Variants in CDK15 observed in about 807,000 individuals in gnomAD.
The protein encoded by CDK15 is cyclin dependent kinase 15.
In CDK15, 62 loss-of-function variants were observed where a neutral mutation model predicts 60.3. The ratio of observed to expected loss-of-function variants is 1.03; its 90% CI spans 0.84 to 1.27. CDK15 has a LOEUF of 1.27. Among genes scored for constraint, CDK15 ranks in the 50% most tolerant of loss-of-function variants. The pLI is 0.00. For synonymous variants in CDK15, 194 were observed against 195.7 expected (o/e 0.99, Z 0.07); for missense variants, 541 against 527.8 (o/e 1.03, Z -0.25).
chr2:201,823,054 T>G, intron 5 of CDK15, 151 bp downstream of exon 5: 1 of 593,158 alleles, frequency 1.7e-6, no homozygotes, highest in East Asian at 2.8e-5. Context: ...AGAACCTTAT[T>G]GTTCCCACAT....
In CDK15 at chr2:201,846,807, T is replaced by C. The variant is rs188481723; in HGVS notation, c.852-574T>C. Among the ~76,000 whole-genome samples the C allele has an allele frequency of 1.5e-3, 223 of 152,316 alleles. 3 individuals are homozygous for C. The highest frequency in any genetic ancestry group is 5.2e-3 in the African/African-American group (216 of 41,570). On this transcript the variant is annotated intron_variant, in intron 8 of 13. Transcript: ENST00000652192. Reference sequence around the variant, plus strand: ...GGGTAAGTGTAGACATCAAAGAGTCTGAGTCAAATGCTGAATGTGAAAAAG... The same window carrying C: ...GGGTAAGTGTAGACATCAAAGAGTCCGAGTCAAATGCTGAATGTGAAAAAG...
In CDK15 at chr2:201,876,531, A is replaced by G. The variant is rs780911313; in HGVS notation, c.1059-3497A>G. 5.5e-6 allele frequency: 7 copies of G among 1,262,178 alleles called. No individual in the cohort carries two copies. In the South Asian group the frequency reaches 8.7e-5, roughly 16 times the overall value. The allele number at this position is 1,262,178 out of a possible 1,614,324, so 78.2% of individuals were successfully genotyped here. A position where few individuals can be genotyped will look rare whatever the true frequency, so the allele number is the denominator to read the frequency against. On this transcript the variant is annotated intron_variant, in intron 11 of 13. Transcript: ENST00000652192. ...CACACACTTGGCTCCTAGGAGGAAGAGACTTCACTTGCCCGCTTTGCCCTG... is the reference window on the plus strand; with the variant it reads ...CACACACTTGGCTCCTAGGAGGAAGGGACTTCACTTGCCCGCTTTGCCCTG...
chr2:201,891,928 C>T (rs1230222340), intron 13 of CDK15, among the ~76,000 whole-genome samples: 1 of 152,198 alleles, frequency 6.6e-6, no homozygotes, highest in African/African-American at 2.4e-5. Flanking sequence ...AGATGGTAAC[C>T]ACCGGTATCT....
chr2:201,820,201 G>A (rs1302540423), intron 4 of CDK15, among the ~76,000 whole-genome samples: 1 of 152,102 alleles, frequency 6.6e-6, no homozygotes, highest in Non-Finnish European at 1.5e-5. Context: ...AGGGGTGGGG[G>A]AAAGAGAGAA....
chr2:201,893,695 C>G lies in CDK15; in HGVS notation c.*428C>G, dbSNP rs1447926509. ...TACAGAGACCTGCCACTCCTGTGTTCACTTACAATTTCTCCCAACAAAAGG... is the reference window on the plus strand; with the variant it reads ...TACAGAGACCTGCCACTCCTGTGTTGACTTACAATTTCTCCCAACAAAAGG... On this transcript the variant is annotated 3_prime_UTR_variant, in exon 14 of 14. Coordinates refer to ENST00000652192, the MANE Select transcript of CDK15 (RefSeq NM_001366386.2). 1 of 152,130 alleles carries G rather than the reference C, an allele frequency of 6.6e-6. No individual in the cohort carries two copies. The highest frequency in any genetic ancestry group is 1.9e-4 in the East Asian group (1 of 5,184). The allele number at this position is 152,130 out of a possible 1,614,324, so 9.4% of individuals were successfully genotyped here.
At chr2:201,824,554 TG>T in intron 6 of CDK15, 1 of 264,122 alleles carries the variant, frequency 3.8e-6, no homozygotes. Context: ...GCAGCCACCA[TG>T]GGCTCAGGCA....
At chr2:201,822,129 G>GGC (rs1696252998) in intron 4 of CDK15, among the ~76,000 whole-genome samples, 1 of 152,154 alleles carries the variant, frequency 6.6e-6, no homozygotes, top group African/African-American at 2.4e-5. Flanking sequence ...GCTGCCTTTA[G>GGC]TAACCGATTA....
In CDK15 at chr2:201,872,267, A is replaced by G. The variant is rs1391385665; in HGVS notation, c.1010-11A>G. 9.3e-6 allele frequency: 15 copies of G among 1,613,908 alleles called. No homozygotes were observed. Among genetic ancestry groups the G allele is most frequent in the African/African-American group, 2.7e-5 (2 of 74,908 alleles). ...GATTTTATTTTTTAACGCCCTCTGT[A>G]TGCTTCCCAGAATGGTTCCCACTGC... On this transcript the variant is annotated splice_polypyrimidine_tract_variant and intron_variant, in intron 10 of 13. Coordinates refer to ENST00000652192, the MANE Select transcript of CDK15 (RefSeq NM_001366386.2).
intron 10 of CDK15, among the ~76,000 whole-genome samples, chr2:201,863,693 C>T (rs930431128): frequency 2.0e-5 from 3 of 152,098 alleles, no homozygotes; most frequent in East Asian, 1.9e-4. Flanking sequence ...ATCAGGAGTT[C>T]GAGATCAGCC....
At chr2:201,862,807 C>A (rs1559140296) in intron 10 of CDK15, among the ~76,000 whole-genome samples, 1 of 152,156 alleles carries the variant, frequency 6.6e-6, no homozygotes, top group Non-Finnish European at 1.5e-5. Context: ...CCTTAATTAT[C>A]AAAGGGCAGA....
intron 11 of CDK15, among the ~76,000 whole-genome samples, chr2:201,877,008 G>C (rs1331883315): frequency 6.6e-6 from 1 of 151,964 alleles, no homozygotes; most frequent in Non-Finnish European, 1.5e-5. Context: ...ATGTTGCCCA[G>C]GCTGGTCTTG....
At chr2:201,854,129 G>T (rs532374962) in intron 9 of CDK15, among the ~76,000 whole-genome samples, 3 of 151,986 alleles carry the variant, frequency 2.0e-5, no homozygotes, top group Non-Finnish European at 2.9e-5. Context: ...AGCCGAGATC[G>T]CATCACTGCA....
chr2:201,816,113 CAGA>C (rs1488494792), intron 4 of CDK15, among the ~76,000 whole-genome samples: 4 of 152,032 alleles, frequency 2.6e-5, no homozygotes, highest in Non-Finnish European at 4.4e-5. Context: ...AAGGAAAATG[CAGA>C]AGAAGTATTT....
chr2:201,876,662 C>A (rs1003665404), intron 11 of CDK15: 20 of 943,758 alleles, frequency 2.1e-5, no homozygotes, highest in East Asian at 1.2e-4. Context: ...AGCCCTGAAA[C>A]AACCCTGTGG....
intron 6 of CDK15, among the ~76,000 whole-genome samples, chr2:201,833,015 CT>C (rs1355041493): frequency 4.7e-5 from 7 of 148,002 alleles, no homozygotes; most frequent in Admixed American, 4.2e-4. Context: ...ACTAAGCATT[CT>C]TTTTTTCCCG....
chr2:201,820,862 C>T (rs1393200159), intron 4 of CDK15, among the ~76,000 whole-genome samples: 1 of 152,150 alleles, frequency 6.6e-6, no homozygotes, highest in Non-Finnish European at 1.5e-5. Flanking sequence ...CATAAGGACT[C>T]TGGGGGCAAA....
chr2:201,870,170 A>G (rs1698799786), intron 10 of CDK15, among the ~76,000 whole-genome samples: 1 of 152,342 alleles, frequency 6.6e-6, no homozygotes, highest in African/African-American at 2.4e-5. Flanking sequence ...TTTTGAAATT[A>G]CAAAATAATA....
chr2:201,842,596 A>G (rs1436358279), intron 8 of CDK15, among the ~76,000 whole-genome samples: 1 of 152,206 alleles, frequency 6.6e-6, no homozygotes, highest in African/African-American at 2.4e-5. Flanking sequence ...TTCTCCTTGC[A>G]CCTCCAAAAA....
At chr2:201,812,628 G>T in intron 4 of CDK15, 66 bp downstream of exon 4, 1 of 985,194 alleles carries the variant, frequency 1.0e-6, no homozygotes, top group Non-Finnish European at 1.6e-6. Context: ...AAAATGTATT[G>T]CATTGATCCA....
Sources: gnomAD v4.1 joint callset for allele counts (sites outside exome capture counted in the v4.1 genomes callset) on GRCh38, gnomAD v4.1.1 for gene constraint, MANE v1.5 for transcripts, NCBI Gene and HGNC (gene_info 2026-07-23, HGNC 2026-07-21) for gene names.